ALMS1: variants seen among roughly 807,000 people sequenced by gnomAD.
ALMS1 encodes centrosome-associated protein ALMS1.
A neutral mutation model predicts 352.2 loss-of-function variants in ALMS1; 271 were observed. The observed-to-expected ratio is 0.77, with a 90% CI of 0.70 to 0.85. ALMS1 has a LOEUF of 0.85. Ranked by LOEUF, ALMS1 falls within the 40% of genes least tolerant of loss-of-function variation. The probability of loss-of-function intolerance (pLI) is 0.00; values close to 1 mark genes in which losing one functional copy is unlikely to be tolerated. For missense variants in ALMS1, 5,445 were observed against 4,870.7 expected, an observed-to-expected ratio of 1.12 and a Z score of -3.51; for synonymous variants, 1,865 against 1,761.2, an observed-to-expected ratio of 1.06 and a Z score of -1.48.
At chr2:73,593,822 C>T (rs187462209) in intron 16 of ALMS1, among the ~76,000 whole-genome samples, 3 of 152,198 alleles carry the variant, frequency 2.0e-5, no homozygotes, top group Non-Finnish European at 4.4e-5. Flanking sequence ...TATTCTGGAC[C>T]TTTCATATAA....
At chr2:73,468,444 G>A (rs1361349080) in intron 9 of ALMS1, among the ~76,000 whole-genome samples, 1 of 151,952 alleles carries the variant, frequency 6.6e-6, no homozygotes, top group Non-Finnish European at 1.5e-5. Flanking sequence ...CTGGTGTTAA[G>A]TACATTCATA....
chr2:73,489,016 G>T (rs1672917465), intron 9 of ALMS1, among the ~76,000 whole-genome samples: 1 of 152,162 alleles, frequency 6.6e-6, no homozygotes. Context: ...AGGAAAGTGA[G>T]CTCTGTTCCT....
chr2:73,446,736 A>C (rs1377043686), intron 7 of ALMS1, among the ~76,000 whole-genome samples: 2 of 152,042 alleles, frequency 1.3e-5, no homozygotes, highest in Non-Finnish European at 2.9e-5. Flanking sequence ...ATTCTAGAAA[A>C]ACTATGTATC....
chr2:73,396,303 TACACACACACAC>T (rs757567739), intron 1 of ALMS1, among the ~76,000 whole-genome samples: 17 of 144,068 alleles, frequency 1.2e-4, no homozygotes, highest in Non-Finnish European at 1.4e-4. Flanking sequence ...GTCATAGAAA[TACACACACACAC>T]ACACACACAC....
intron 9 of ALMS1, chr2:73,459,621 T>C (rs1375909835): frequency 6.6e-6 from 1 of 152,180 alleles, no homozygotes; most frequent in Non-Finnish European, 1.5e-5. Context: ...TATCATTGTT[T>C]ATTTTGATAC....
rs368170757 is a variant in ALMS1, at chr2:73,451,351, T to G, written c.4824T>G (p.Thr1608=). 1.2e-6 allele frequency: 2 copies of G among 1,614,040 alleles called. No homozygotes were observed. Among genetic ancestry groups the G allele is most frequent in the African/African-American group, 2.7e-5 (2 of 75,020 alleles). Residue 1608 remains threonine (T), a synonymous_variant, in exon 8 of 23, where the codon ACT becomes ACG. Transcript: ENST00000613296. The part of the protein sequence containing the change: ...SIVSGPTEKK[T]DIPAGPLGSS... ...TTTCTGGACCTACTGAAAAAAAGAC[T>G]GACATACCAGCAGGACCTTTAGGTT...
intron 7 of ALMS1, among the ~76,000 whole-genome samples, chr2:73,433,996 T>C (rs1327049864): frequency 6.6e-6 from 1 of 152,192 alleles, no homozygotes; most frequent in African/African-American, 2.4e-5. Flanking sequence ...TTCCCTTCTT[T>C]TGTTCTCCCT....
intron 13 of ALMS1, among the ~76,000 whole-genome samples, chr2:73,554,625 A>G (rs2104048872): frequency 6.6e-6 from 1 of 152,138 alleles, no homozygotes; most frequent in South Asian, 2.1e-4. Context: ...ATGTAGGAGA[A>G]TGGCATGAAC....
At position 73,572,255 on chromosome 2, in the gene ALMS1, T is replaced by A. The variant is rs1298945759; in HGVS notation, c.10385-7T>A. 1 of 1,603,316 alleles carries A rather than the reference T, an allele frequency of 6.2e-7. No individual in the cohort carries two copies. The highest frequency in any genetic ancestry group is 1.7e-5 in the Admixed American group (1 of 57,188). On this transcript the variant is annotated splice_region_variant and splice_polypyrimidine_tract_variant and intron_variant, in intron 15 of 22. Coordinates refer to ENST00000613296, the MANE Select transcript of ALMS1 (RefSeq NM_001378454.1). The stretch of plus-strand genomic sequence containing the variant: ...GTTCTTTCAAAATCTTTTTTTCTCC[T>A]TTTCAGAGTCCGAATGTCATTCAGA...
In ALMS1 at chr2:73,449,796, C is replaced by T; in HGVS notation, c.3269C>T (p.Pro1090Leu). The T allele has an allele frequency of 1.2e-6, 2 of 1,614,094 alleles. No homozygotes were observed. The highest frequency in any genetic ancestry group is 1.7e-6 in the Non-Finnish European group (2 of 1,179,980). The change falls in exon 8 of 23, where the codon CCA becomes CTA. Residue 1090 changes from proline to leucine, a missense_variant. Physicochemically the swap from Pro to Leu is moderately conservative, Grantham distance 98. Transcript: ENST00000613296. Reference protein sequence around the residue: ...PGPADQMTDTPAVPSTFYSQR... With the variant: ...PGPADQMTDTLAVPSTFYSQR... ...CCAGCTGACCAGATGACTGACACAC[C>T]AGCAGTACCGTCTACTTTCTACTCA...
chr2:73,505,154 T>A (rs1389979297), intron 10 of ALMS1, among the ~76,000 whole-genome samples: 1 of 152,216 alleles, frequency 6.6e-6, no homozygotes, highest in Non-Finnish European at 1.5e-5. Context: ...TCTAAGTCTT[T>A]GTTATTGTGA....
chr2:73,516,165 A>G (rs750893061), intron 10 of ALMS1, among the ~76,000 whole-genome samples: 28 of 152,362 alleles, frequency 1.8e-4, no homozygotes, highest in Admixed American at 9.8e-4. Context: ...AAAAGAAGAC[A>G]TACTTGCAGC....
chr2:73,392,822 T>C (rs1180059257), intron 1 of ALMS1, among the ~76,000 whole-genome samples: 1 of 152,210 alleles, frequency 6.6e-6, no homozygotes, highest in Non-Finnish European at 1.5e-5. Flanking sequence ...TATATAAGTG[T>C]ATGTGTGGAC....
At chr2:73,572,199 A>T in intron 15 of ALMS1, 63 bp from the exon 16 acceptor site, 1 of 1,346,026 alleles carries the variant, frequency 7.4e-7, no homozygotes, top group Non-Finnish European at 1.0e-6. Flanking sequence ...AATTGTGAAT[A>T]GTATTTCTAA....
At chr2:73,543,331 G>C (rs1330105566) in intron 12 of ALMS1, among the ~76,000 whole-genome samples, 2 of 152,156 alleles carry the variant, frequency 1.3e-5, no homozygotes, top group Admixed American at 6.5e-5. Flanking sequence ...AGCTGAAAGT[G>C]GATCCCTTCC....
intron 16 of ALMS1, among the ~76,000 whole-genome samples, chr2:73,591,622 C>T (rs995624345): frequency 1.6e-4 from 25 of 152,154 alleles, no homozygotes; most frequent in African/African-American, 5.1e-4. Context: ...TGGATCAGAT[C>T]ATCCAAGTGA....
At position 73,574,095 on chromosome 2, in the gene ALMS1, A is replaced by C. The variant is rs571963356; in HGVS notation, c.11547+671A>C. ...TGTGATCAATAACATTCACTTTTTAATATAAAAAGAGAACAAAATTTTTAG... is the reference window on the plus strand; with the variant it reads ...TGTGATCAATAACATTCACTTTTTACTATAAAAAGAGAACAAAATTTTTAG... On this transcript the variant is annotated intron_variant, in intron 16 of 22. Transcript: ENST00000613296. 8.5e-4 allele frequency among the ~76,000 whole-genome samples: 130 copies of C among 152,294 alleles called. 1 individual carries two copies. The highest frequency in any genetic ancestry group is 1.5e-3 in the Non-Finnish European group (105 of 68,014).
rs373066945 is a variant in ALMS1 at position 73,449,712 on chromosome 2, A to G, written c.3185A>G (p.Gln1062Arg). 12 of 1,614,120 alleles carry G rather than the reference A, an allele frequency of 7.4e-6. No individual in the cohort carries two copies. Among genetic ancestry groups the G allele is most frequent in the Admixed American group, 1.7e-5 (1 of 60,008 alleles). ...QREKPSVLYP[Q>R]VLSDSHLPEE... ...GAGAAGCCTAGTGTTTTGTACCCAC[A>G]GGTGTTATCAGACAGTCATCTACCT... Residue 1062 changes from glutamine (Q) to arginine (R), a missense_variant, in exon 8 of 23, where the codon CAG (glutamine) becomes CGG (arginine). Transcript: ENST00000613296.
intron 9 of ALMS1, among the ~76,000 whole-genome samples, chr2:73,465,626 A>C (rs935092265): frequency 6.6e-6 from 1 of 152,160 alleles, no homozygotes; most frequent in Non-Finnish European, 1.5e-5. Flanking sequence ...ACAAAAGCCA[A>C]AATTGACAAA....
Sources: allele counts gnomAD v4.1 joint callset (sites outside exome capture counted in the v4.1 genomes callset), GRCh38; gene constraint gnomAD v4.1.1; transcripts MANE v1.5; gene names NCBI Gene and HGNC (gene_info 2026-07-23, HGNC 2026-07-21).